The following ATP1B1 variants were observed in gnomAD, a reference collection of about 807,000 sequenced individuals.
ATP1B1 encodes ATPase Na+/K+ transporting subunit beta 1, also known as sodium/potassium-transporting ATPase subunit beta-1.
A neutral mutation model predicts 39.6 loss-of-function variants in ATP1B1; 3 were observed. The ratio of observed to expected loss-of-function variants is 0.08; its 90% CI spans 0.03 to 0.20. The LOEUF (loss-of-function observed/expected upper bound fraction) is 0.20. ATP1B1 is among the 10% of genes least tolerant of loss of function. ATP1B1 has a pLI of 1.00. For synonymous variants in ATP1B1, 139 were observed against 135.0 expected, an observed-to-expected ratio of 1.03 and a Z score of -0.20; for missense variants, 216 against 371.1, an observed-to-expected ratio of 0.58 and a Z score of 3.43.
At chr1:169,124,644 G>A (rs1658051306) in intron 2 of ATP1B1, among the ~76,000 whole-genome samples, 1 of 152,162 alleles carries the variant, frequency 6.6e-6, no homozygotes, top group African/African-American at 2.4e-5. Context: ...ATAAAATGGA[G>A]GTGATGCCTA....
rs149141393 is a variant in ATP1B1 at position 169,121,839 on chromosome 1, C to T, written c.227-3045C>T. ...TTATATTTTGGCTTTTGCTGCATCC[C>T]GCCCTCTGCTGATGGACCACAGCTT... is the stretch of plus-strand genomic sequence containing the variant. On this transcript the variant is annotated intron_variant, in intron 2 of 5. Transcript: ENST00000367815. 1.4e-4 allele frequency among the ~76,000 whole-genome samples: 22 copies of T among 152,270 alleles called. 1 individual carries two copies. Among genetic ancestry groups the T allele is most frequent in the African/African-American group, 4.6e-4 (19 of 41,548 alleles).
intron 5 of ATP1B1, among the ~76,000 whole-genome samples, chr1:169,130,441 T>TA (rs35742469): frequency 2.0e-5 from 3 of 151,212 alleles, no homozygotes; most frequent in African/African-American, 4.9e-5. Context: ...GGGCCAACAT[T>TA]AAAAAAAAAT....
intron 2 of ATP1B1, among the ~76,000 whole-genome samples, chr1:169,121,811 TG>T (rs1657985536): frequency 2.0e-5 from 3 of 152,176 alleles, no homozygotes; most frequent in African/African-American, 7.2e-5. Flanking sequence ...GTATCAGGCT[TG>T]TTTATATTTT....
At chr1:169,111,334 C>G (rs753488713) in intron 1 of ATP1B1, 36 bp from the exon 2 acceptor site, 27 of 1,612,772 alleles carry the variant, frequency 1.7e-5, no homozygotes, top group Non-Finnish European at 2.2e-5. Flanking sequence ...GAGCATATGA[C>G]TGCATCACAG....
chr1:169,118,257 A>G (rs1657896018), intron 2 of ATP1B1, among the ~76,000 whole-genome samples: 1 of 152,250 alleles, frequency 6.6e-6, no homozygotes, highest in Non-Finnish European at 1.5e-5. Flanking sequence ...TTTAGCTTAG[A>G]CAGGAGGAAT....
At chr1:169,126,479 A>C (rs1167835983) in intron 3 of ATP1B1, among the ~76,000 whole-genome samples, 1 of 152,188 alleles carries the variant, frequency 6.6e-6, no homozygotes, top group African/African-American at 2.4e-5. Context: ...CAAATGCTTA[A>C]TGCATAGCTT....
At chr1:169,129,316 T>C (rs1658156167) in intron 4 of ATP1B1, among the ~76,000 whole-genome samples, 1 of 152,180 alleles carries the variant, frequency 6.6e-6, no homozygotes, top group African/African-American at 2.4e-5. Context: ...ACTTCTGAGA[T>C]AGATTTGAGC....
intron 1 of ATP1B1, among the ~76,000 whole-genome samples, chr1:169,110,419 C>T (rs1657701804): frequency 6.6e-6 from 1 of 152,106 alleles, no homozygotes. Context: ...TCACTTGTTC[C>T]CTGTTTTGCA....
At chr1:169,116,171 C>T (rs987963039) in intron 2 of ATP1B1, among the ~76,000 whole-genome samples, 1 of 152,230 alleles carries the variant, frequency 6.6e-6, no homozygotes, top group Admixed American at 6.5e-5. Context: ...TGCTGCCTGC[C>T]CAGTGGTGTA....
chr1:169,120,188 G>A (rs1657944562), intron 2 of ATP1B1, among the ~76,000 whole-genome samples: 1 of 152,158 alleles, frequency 6.6e-6, no homozygotes. Context: ...AGGAAAGAGA[G>A]CAGAAGAGCT....
intron 2 of ATP1B1, among the ~76,000 whole-genome samples, chr1:169,117,612 A>G (rs1415443875): frequency 2.6e-5 from 4 of 152,124 alleles, no homozygotes; most frequent in Non-Finnish European, 5.9e-5. Context: ...GCTTCATTTA[A>G]GGATTTTTTG....
At chr1:169,117,660 A>G (rs570770034) in intron 2 of ATP1B1, among the ~76,000 whole-genome samples, 9 of 152,300 alleles carry the variant, frequency 5.9e-5, no homozygotes, top group South Asian at 2.1e-4. Flanking sequence ...TGGGGTGGAA[A>G]GAGCAGTAGC....
intron 2 of ATP1B1, among the ~76,000 whole-genome samples, chr1:169,117,173 C>T (rs533166933): frequency 5.2e-4 from 79 of 152,312 alleles, no homozygotes; most frequent in African/African-American, 1.8e-3. Context: ...TATCTGTATA[C>T]ACCCAGCTGT....
intron 2 of ATP1B1, among the ~76,000 whole-genome samples, chr1:169,117,158 C>T (rs979080966): frequency 9.9e-5 from 15 of 152,202 alleles, no homozygotes; most frequent in East Asian, 3.8e-4. Flanking sequence ...TCAGCTGACG[C>T]GATGTATCTG....
intron 1 of ATP1B1, 46 bp downstream of exon 1, chr1:169,106,972 C>G: frequency 6.5e-7 from 1 of 1,527,110 alleles, no homozygotes; most frequent in Non-Finnish European, 8.8e-7. Flanking sequence ...CTGATCTTTC[C>G]CGGGCGGCGC....
rs1221117835 is a variant in ATP1B1, at chr1:169,131,206, T to C, written c.649-86T>C. 4 of 1,522,492 alleles carry C rather than the reference T, an allele frequency of 2.6e-6. No homozygotes were observed. In the East Asian group the frequency reaches 6.8e-5, roughly 26 times the overall value. 94.3% of individuals were successfully genotyped at this position (1,522,492 alleles called of 1,614,324 possible). A position where few individuals can be genotyped will look rare whatever the true frequency, so the allele number is the denominator to read the frequency against. On this transcript the variant is annotated intron_variant, in intron 5 of 5. Transcript: ENST00000367815. The surrounding 1 kb of genome is among the most constrained non-coding windows in gnomAD (Gnocchi z 4.4). Reference sequence around the variant, plus strand: ...TTTCCTCTCTCAGTAGTTTGCAAACTACTGTGTAGATTGAGTCTTGTTTTT... The same window carrying C: ...TTTCCTCTCTCAGTAGTTTGCAAACCACTGTGTAGATTGAGTCTTGTTTTT...
chr1:169,109,007 G>A (rs1657669713), intron 1 of ATP1B1, among the ~76,000 whole-genome samples: 1 of 152,196 alleles, frequency 6.6e-6, no homozygotes, highest in Non-Finnish European at 1.5e-5. Flanking sequence ...ATGCCCTTGG[G>A]GCGAGGGCAG....
At chr1:169,116,266 C>CT (rs1657845554) in intron 2 of ATP1B1, among the ~76,000 whole-genome samples, 2 of 152,230 alleles carry the variant, frequency 1.3e-5, no homozygotes, top group African/African-American at 4.8e-5. Flanking sequence ...ATGAAGGTCA[C>CT]TGTGTGTCAA....
intron 1 of ATP1B1, chr1:169,110,567 C>CTTTTTT (rs11423213): frequency 1.3e-4 from 55 of 434,678 alleles, no homozygotes; most frequent in South Asian, 3.4e-4. Flanking sequence ...TGTGTTGAGT[C>CTTTTTT]TTTTTTTTTT....
Sources: gnomAD v4.1 joint callset for allele counts (sites outside exome capture counted in the v4.1 genomes callset) on GRCh38, gnomAD v4.1.1 for gene constraint, Gnocchi (gnomAD v3.1) non-coding constraint, MANE v1.5 for transcripts, NCBI Gene and HGNC (gene_info 2026-07-23, HGNC 2026-07-21) for gene names.